SHROOM3: variants seen among roughly 807,000 people sequenced by gnomAD.
SHROOM3 encodes the protein protein Shroom3.
SHROOM3 carries 47 observed loss-of-function variants against 138.6 expected under a neutral mutation model. The ratio of observed to expected loss-of-function variants is 0.34; its 90% CI spans 0.27 to 0.43. SHROOM3 has a LOEUF of 0.43. Among genes scored for constraint, SHROOM3 ranks in the 20% least tolerant of loss-of-function variants. The pLI, the probability that SHROOM3 is intolerant of heterozygous loss-of-function variation, is 1.00. For synonymous variants in SHROOM3, 1,062 were observed against 1,063.3 expected, an observed-to-expected ratio of 1.00 and a Z score of 0.02; for missense variants, 2,491 against 2,596.5, an observed-to-expected ratio of 0.96 and a Z score of 0.88.
intron 2 of SHROOM3, among the ~76,000 whole-genome samples, chr4:76,569,934 T>C (rs1733802323): frequency 6.6e-6 from 1 of 152,150 alleles, no homozygotes; most frequent in African/African-American, 2.4e-5. Flanking sequence ...TCCTGCCTCA[T>C]TGGCCCATGT....
chr4:76,531,342 T>C (rs943292019), intron 1 of SHROOM3, among the ~76,000 whole-genome samples: 1 of 152,226 alleles, frequency 6.6e-6, no homozygotes, highest in African/African-American at 2.4e-5. Flanking sequence ...CACAAATTGA[T>C]GGTGCCCCTC....
rs59409483 is a variant in SHROOM3, at chr4:76,458,621, AT to A, written c.168+22407del. On this transcript the variant is annotated intron_variant, in intron 1 of 10. Coordinates refer to ENST00000296043, the MANE Select transcript of SHROOM3 (RefSeq NM_020859.4). ...AGAAAATTCTACATTTAATAATTTT[AT>A]TTTTTCCCCCTTCCCAACTACACAT... 2.5e-3 allele frequency among the ~76,000 whole-genome samples: 386 copies of A among 152,248 alleles called. 1 individual carries two copies. The highest frequency in any genetic ancestry group is 8.5e-3 in the African/African-American group (355 of 41,548).
rs190641139 is a variant in SHROOM3 at position 76,783,130 on chromosome 4, C to A, written c.*3953C>A. The A allele has an allele frequency of 9.8e-5, 15 of 152,314 alleles. No individual in the cohort carries two copies. Among genetic ancestry groups the A allele is most frequent in the African/African-American group, 1.4e-4 (6 of 41,578 alleles). The allele number at this position is 152,314 out of a possible 1,614,324, so 9.4% of individuals were successfully genotyped here. On this transcript the variant is annotated 3_prime_UTR_variant, in exon 11 of 11. Transcript: ENST00000296043. ...TGAGAGCCACTACCAATCATCTGTA[C>A]AGTTCCTACTGTTATGATCACAATA... is the stretch of plus-strand genomic sequence containing the variant.
intron 10 of SHROOM3, among the ~76,000 whole-genome samples, chr4:76,776,979 A>T (rs770014614): frequency 1.3e-5 from 2 of 152,134 alleles, no homozygotes; most frequent in African/African-American, 2.4e-5. Flanking sequence ...CACTAATACC[A>T]TGCTGTTTTG....
In SHROOM3 at chr4:76,617,678, A is replaced by G. The variant is rs570591039; in HGVS notation, c.323+61915A>G. Among the ~76,000 whole-genome samples the G allele has an allele frequency of 5.9e-5, 9 of 152,332 alleles. 1 individual carries two copies. The East Asian group carries it at 1.7e-3, about 29-fold the overall frequency. On this transcript the variant is annotated intron_variant, in intron 2 of 10. Transcript: ENST00000296043. ...TTTGTTATTAAAGTTTTAATTCTCTAAGGTATAGTGTGAGGCTAATAGTGT... is the reference window on the plus strand; with the variant it reads ...TTTGTTATTAAAGTTTTAATTCTCTGAGGTATAGTGTGAGGCTAATAGTGT...
At chr4:76,598,341 A>G (rs980298688) in intron 2 of SHROOM3, among the ~76,000 whole-genome samples, 2 of 152,210 alleles carry the variant, frequency 1.3e-5, no homozygotes, top group African/African-American at 2.4e-5. Context: ...ATCTATGATT[A>G]TAACAGTCAT....
At chr4:76,527,257 T>A (rs1469056319) in intron 1 of SHROOM3, among the ~76,000 whole-genome samples, 1 of 152,168 alleles carries the variant, frequency 6.6e-6, no homozygotes. Context: ...TTTATTTATT[T>A]ATTGGTTCTT....
intron 2 of SHROOM3, among the ~76,000 whole-genome samples, chr4:76,557,552 A>G (rs1733512221): frequency 6.6e-6 from 1 of 152,118 alleles, no homozygotes; most frequent in African/African-American, 2.4e-5. Context: ...AAACATGGTG[A>G]CTACAGTTAG....
At chr4:76,621,919 A>G (rs1735015833) in intron 2 of SHROOM3, among the ~76,000 whole-genome samples, 1 of 149,852 alleles carries the variant, frequency 6.7e-6, no homozygotes, top group Non-Finnish European at 1.5e-5. Context: ...CAACCTCCAC[A>G]TCCCGGGTTC....
rs767237856 is a variant in SHROOM3, at chr4:76,754,295, C to CT, written c.3828-15dup. The CT allele has an allele frequency of 6.2e-7, 1 of 1,614,086 alleles. No individual in the cohort carries two copies. The highest frequency in any genetic ancestry group is 1.1e-5 in the South Asian group (1 of 90,976). ...TTCTTCAGAGCTGTAACCCTCCTGTCTGTGTGCCGTTCCAGGTCACTCAGT... is the reference window on the plus strand; with the variant it reads ...TTCTTCAGAGCTGTAACCCTCCTGTCTTGTGTGCCGTTCCAGGTCACTCAGT... On this transcript the variant is annotated splice_polypyrimidine_tract_variant and intron_variant, in intron 6 of 10. Transcript: ENST00000296043.
At chr4:76,767,003 G>A (rs373591493) in intron 9 of SHROOM3, among the ~76,000 whole-genome samples, 4 of 152,082 alleles carry the variant, frequency 2.6e-5, no homozygotes, top group East Asian at 1.9e-4. Context: ...TTCTTGCACC[G>A]TGAAGCCTGG....
At chr4:76,502,050 A>C (rs1051852041) in intron 1 of SHROOM3, among the ~76,000 whole-genome samples, 6 of 152,020 alleles carry the variant, frequency 3.9e-5, no homozygotes, top group Non-Finnish European at 7.4e-5. Context: ...GAATTAATCC[A>C]TTGATGGATT....
At chr4:76,481,211 A>G (rs758374865) in intron 1 of SHROOM3, among the ~76,000 whole-genome samples, 3 of 152,160 alleles carry the variant, frequency 2.0e-5, no homozygotes, top group Non-Finnish European at 2.9e-5. Context: ...TTTTGAAAAC[A>G]TTAACAAAAT....
chr4:76,497,939 G>A (rs1732003676), intron 1 of SHROOM3, among the ~76,000 whole-genome samples: 1 of 152,158 alleles, frequency 6.6e-6, no homozygotes, highest in East Asian at 1.9e-4. Context: ...CTGGAGCAGA[G>A]CACCCAAAGT....
chr4:76,745,355 A>AT (rs1721401687), intron 5 of SHROOM3, among the ~76,000 whole-genome samples: 1 of 152,330 alleles, frequency 6.6e-6, no homozygotes, highest in Admixed American at 6.5e-5. Context: ...TGGTGGGGAT[A>AT]TTTCCCCCGG....
intron 7 of SHROOM3, 72 bp downstream of exon 7, chr4:76,755,264 C>A: frequency 6.5e-7 from 1 of 1,537,666 alleles, no homozygotes; most frequent in Non-Finnish European, 8.9e-7. Flanking sequence ...CCAGGTCCTT[C>A]TGCTGGCCAC....
intron 1 of SHROOM3, among the ~76,000 whole-genome samples, chr4:76,458,343 T>C (rs530452090): frequency 6.6e-6 from 1 of 152,220 alleles, no homozygotes; most frequent in African/African-American, 2.4e-5. Flanking sequence ...GTCTTTGTAG[T>C]GGGATTTTAA....
At chr4:76,596,593 CACA>C (rs1454861422) in intron 2 of SHROOM3, among the ~76,000 whole-genome samples, 3 of 147,696 alleles carry the variant, frequency 2.0e-5, no homozygotes, top group East Asian at 3.9e-4. Context: ...CACACACACA[CACA>C]CACACACACA....
chr4:76,697,842 T>TC (rs1461446003), intron 2 of SHROOM3, among the ~76,000 whole-genome samples: 1 of 152,120 alleles, frequency 6.6e-6, no homozygotes, highest in Non-Finnish European at 1.5e-5. Context: ...GGTCCAGAAT[T>TC]CCCCTGGAGA....
Sources: allele counts gnomAD v4.1 joint callset (sites outside exome capture counted in the v4.1 genomes callset), GRCh38; gene constraint gnomAD v4.1.1; transcripts MANE v1.5; gene names NCBI Gene and HGNC (gene_info 2026-07-23, HGNC 2026-07-21).